SPIRE2: variants seen among roughly 807,000 people sequenced by gnomAD.
SPIRE2 encodes the protein spire type actin nucleation factor 2.
Under a neutral mutation model 80.7 loss-of-function variants are expected in SPIRE2, and 76 were observed. The ratio of observed to expected loss-of-function variants is 0.94; its 90% confidence interval spans 0.78 to 1.14. The LOEUF (loss-of-function observed/expected upper bound fraction) is 1.14. SPIRE2 is among the 50% of genes most tolerant of loss of function. SPIRE2 has a pLI of 0.00. For missense variants in SPIRE2, 1,196 were observed against 1,015.3 expected, an observed-to-expected ratio of 1.18 and a Z score of -2.42; for synonymous variants, 535 against 432.6, an observed-to-expected ratio of 1.24 and a Z score of -2.94.
chr16:89,845,663 C>G (rs534000008), intron 2 of SPIRE2: 2 of 694,040 alleles, frequency 2.9e-6, no homozygotes, highest in South Asian at 3.0e-5. Context: ...TCTGCAGGGC[C>G]GGCCTCCCAG....
intron 1 of SPIRE2, among the ~76,000 whole-genome samples, chr16:89,836,050 C>G (rs2041445767): frequency 6.6e-6 from 1 of 152,134 alleles, no homozygotes; most frequent in Non-Finnish European, 1.5e-5. Context: ...TGGCGGGCGT[C>G]TGTAGTCCCA....
At position 89,863,962 on chromosome 16, in the gene SPIRE2, T is replaced by C. The variant is rs1302433345; in HGVS notation, c.1778+101T>C. On this transcript the variant is annotated intron_variant, in intron 12 of 14. Coordinates refer to ENST00000378247, the MANE Select transcript of SPIRE2 (RefSeq NM_032451.2). The surrounding 1 kb of genome is among the most constrained non-coding windows in gnomAD (Gnocchi z 4.3). ...ACTTCCTGTGATTCCAGGAATGTTC[T>C]AGCATGTTCGATGGCTGATGAGTCC... 6.5e-5 allele frequency: 56 copies of C among 859,722 alleles called. No individual in the cohort carries two copies. The East Asian group carries it at 1.3e-3, about 19-fold the overall frequency. The allele number at this position is 859,722 out of a possible 1,614,324, so 53.3% of individuals were successfully genotyped here.
chr16:89,828,528 C>T lies in SPIRE2; in HGVS notation c.-23C>T. On this transcript the variant is annotated 5_prime_UTR_variant, in exon 1 of 15. Coordinates refer to ENST00000378247, the MANE Select transcript of SPIRE2 (RefSeq NM_032451.2). This position sits in a 1 kb window ranked among gnomAD's most constrained non-coding sequence, Gnocchi z 5.9. ...GCTGCATGGACGCGGGTCCGGCGCG[C>T]GGGAGGCGATGACGGCCCCGCCATG... 9.5e-7 allele frequency: 1 copy of T among 1,053,476 alleles called. No individual in the cohort carries two copies. Among genetic ancestry groups the T allele is most frequent in the Non-Finnish European group, 1.1e-6 (1 of 875,944 alleles). The allele number at this position is 1,053,476 out of a possible 1,614,324, so 65.3% of individuals were successfully genotyped here. A position where few individuals can be genotyped will look rare whatever the true frequency, so the allele number is the denominator to read the frequency against.
chr16:89,828,962 C>T lies in SPIRE2; in HGVS notation c.244+168C>T, dbSNP rs1316132012. 6.6e-6 allele frequency among the ~76,000 whole-genome samples: 1 copy of T among 152,164 alleles called. No homozygotes were observed. Among genetic ancestry groups the T allele is most frequent in the Non-Finnish European group, 1.5e-5 (1 of 68,014 alleles). On this transcript the variant is annotated intron_variant, in intron 1 of 14. Transcript: ENST00000378247. The surrounding 1 kb of genome is among the most constrained non-coding windows in gnomAD (Gnocchi z 5.9). Reference sequence around the variant, plus strand: ...CCCTCCCACTCTCCGTCCCTCTTTCCCTCTCTCTTTCCTCCCTCCTTCTCT... The same window carrying T: ...CCCTCCCACTCTCCGTCCCTCTTTCTCTCTCTCTTTCCTCCCTCCTTCTCT...
chr16:89,848,414 C>T (rs141192497), intron 2 of SPIRE2, among the ~76,000 whole-genome samples: 4 of 152,396 alleles, frequency 2.6e-5, no homozygotes, highest in African/African-American at 9.6e-5. Context: ...CCACCAGTGC[C>T]CTTGCAGGTT....
intron 13 of SPIRE2, 105 bp downstream of exon 13, chr16:89,868,321 C>A: frequency 8.7e-7 from 1 of 1,149,894 alleles, no homozygotes. Flanking sequence ...GCACCTCATC[C>A]ATTTCCTTTC....
intron 2 of SPIRE2, among the ~76,000 whole-genome samples, chr16:89,849,693 G>A (rs1442079028): frequency 2.0e-5 from 3 of 152,060 alleles, no homozygotes; most frequent in Non-Finnish European, 2.9e-5. Flanking sequence ...TGGGCAGGTC[G>A]GCACCCCCAT....
At position 89,856,206 on chromosome 16, in the gene SPIRE2, C is replaced by T; in HGVS notation, c.1072C>T (p.Pro358Ser). The stretch of plus-strand genomic sequence containing the variant: ...GATCAAGCAGGAGCGGAGGCTGCGC[C>T]CGGTGCGGGGCGAGGGCTGGGCTGC... ...EEIKQERRLR[P>S]VRGEGWAARG... Residue 358 changes from proline (P) to serine (S), a missense_variant, in exon 7 of 15, where the codon CCG (proline) becomes TCG (serine). Coordinates refer to ENST00000378247, the MANE Select transcript of SPIRE2 (RefSeq NM_032451.2). 6.3e-7 allele frequency: 1 copy of T among 1,595,142 alleles called. No individual in the cohort carries two copies. Among genetic ancestry groups the T allele is most frequent in the African/African-American group, 1.3e-5 (1 of 74,838 alleles).
Position 89,859,248 on chromosome 16 carries a change from G to A in SPIRE2, c.1356G>A (p.Glu452=). ...SEHDLAQLRS[E]VASGLQSATH... ...ATGACCTGGCCCAGCTCCGAAGTGA[G>A]GTGGCCTCTGGCCTGCAGTCGGCCA... Residue 452 remains glutamate (E), a synonymous_variant, in exon 9 of 15, where the codon GAG becomes GAA. Transcript: ENST00000378247. 4.4e-6 allele frequency: 7 copies of A among 1,608,752 alleles called. No individual in the cohort carries two copies. The highest frequency in any genetic ancestry group is 5.9e-6 in the Non-Finnish European group (7 of 1,178,626).
At chr16:89,841,276 T>C (rs2041503506) in intron 1 of SPIRE2, among the ~76,000 whole-genome samples, 1 of 152,100 alleles carries the variant, frequency 6.6e-6, no homozygotes, top group Non-Finnish European at 1.5e-5. Context: ...CTCTTAACTC[T>C]TAGTGGTGGA....
rs1349861117 is a variant in SPIRE2 at position 89,864,291 on chromosome 16, C to G, written c.1778+430C>G. ...TGAGAATCCAGGGAGACCACAGCAGCTCGAGTCCGCCGTGTAGAACTCCAG... is the reference window on the plus strand; with the variant it reads ...TGAGAATCCAGGGAGACCACAGCAGGTCGAGTCCGCCGTGTAGAACTCCAG... On this transcript the variant is annotated intron_variant, in intron 12 of 14. Transcript: ENST00000378247. 2.0e-5 allele frequency among the ~76,000 whole-genome samples: 3 copies of G among 152,182 alleles called. No homozygotes were observed. In the East Asian group the frequency reaches 5.8e-4, roughly 29 times the overall value.
chr16:89,858,008 G>A (rs1388556747), intron 7 of SPIRE2, among the ~76,000 whole-genome samples: 11 of 149,620 alleles, frequency 7.4e-5, no homozygotes, highest in Non-Finnish European at 1.2e-4. Context: ...TTAGCTTCCC[G>A]AGTAGCTGGG....
In SPIRE2 at chr16:89,870,108, C is replaced by T; in HGVS notation, c.1981C>T (p.His661Tyr). ...GGAGGCGTTCCCCCACATCTACTCC[C>T]ACGGCTGTGTCCTGAAGGATGTCTG... Reference protein sequence around the residue: ...VEEAFPHIYSHGCVLKDVCSE... With the variant: ...VEEAFPHIYSYGCVLKDVCSE... Residue 661 changes from histidine to tyrosine, a missense_variant, in exon 15 of 15, where the codon CAC becomes TAC. Coordinates refer to ENST00000378247, the MANE Select transcript of SPIRE2 (RefSeq NM_032451.2). 6.2e-7 allele frequency: 1 copy of T among 1,613,558 alleles called. No homozygotes were observed. Among genetic ancestry groups the T allele is most frequent in the Admixed American group, 1.7e-5 (1 of 59,954 alleles).
intron 5 of SPIRE2, among the ~76,000 whole-genome samples, chr16:89,854,907 C>T (rs577021680): frequency 1.3e-5 from 2 of 151,902 alleles, no homozygotes; most frequent in African/African-American, 4.8e-5. Flanking sequence ...CCAGGAATGG[C>T]CCCTGGAGGC....
At chr16:89,865,943 G>T (rs1450151971) in intron 12 of SPIRE2, among the ~76,000 whole-genome samples, 4 of 145,346 alleles carry the variant, frequency 2.8e-5, no homozygotes, top group Non-Finnish European at 6.0e-5. Context: ...ACTCCAGACT[G>T]GGCAACAGAG....
At position 89,836,631 on chromosome 16, in the gene SPIRE2, C is replaced by T. The variant is rs181549282; in HGVS notation, c.244+7837C>T. Among the ~76,000 whole-genome samples, 3 of 152,080 alleles carry T rather than the reference C, an allele frequency of 2.0e-5. No homozygotes were observed. The East Asian group carries it at 5.8e-4, about 29-fold the overall frequency. On this transcript the variant is annotated intron_variant, in intron 1 of 14. Transcript: ENST00000378247. Reference sequence around the variant, plus strand: ...TGCAAGAATCCGGAATGTACATTCACCCAGAACGACCTTGACCTCTGCTGT... The same window carrying T: ...TGCAAGAATCCGGAATGTACATTCATCCAGAACGACCTTGACCTCTGCTGT...
intron 6 of SPIRE2, 101 bp downstream of exon 6, chr16:89,855,787 T>C: frequency 8.1e-7 from 1 of 1,235,882 alleles, no homozygotes. Flanking sequence ...GTGGCCAGCC[T>C]GGGAGGTGTC....
At chr16:89,849,530 A>G (rs1202176957) in intron 2 of SPIRE2, among the ~76,000 whole-genome samples, 2 of 152,238 alleles carry the variant, frequency 1.3e-5, no homozygotes, top group Admixed American at 6.5e-5. Flanking sequence ...CATGGAACAC[A>G]GCACTGTGCA....
chr16:89,853,888 A>G (rs907103292), intron 3 of SPIRE2, among the ~76,000 whole-genome samples: 3 of 152,180 alleles, frequency 2.0e-5, no homozygotes, highest in African/African-American at 4.8e-5. Context: ...CCACCTGTCC[A>G]CCACGTATCC....
Sources: allele counts gnomAD v4.1 joint callset (sites outside exome capture counted in the v4.1 genomes callset), GRCh38; gene constraint gnomAD v4.1.1; non-coding constraint Gnocchi (gnomAD v3.1); transcripts MANE v1.5; gene names NCBI Gene and HGNC (gene_info 2026-07-23, HGNC 2026-07-21).